Variants in ATP2C2 observed in about 807,000 individuals in gnomAD.
ATP2C2 encodes the protein calcium-transporting ATPase type 2C member 2.
ATP2C2 carries 171 observed loss-of-function variants against 110.8 expected under a neutral mutation model. That is an observed-to-expected ratio of 1.54 (90% CI 1.36 to 1.75). The LOEUF (loss-of-function observed/expected upper bound fraction) is 1.75, where lower values mean the gene tolerates loss of function less well. Among genes scored for constraint, ATP2C2 ranks in the 40% most tolerant of loss-of-function variants. The pLI, the probability that ATP2C2 is intolerant of heterozygous loss-of-function variation, is 0.00. For synonymous variants in ATP2C2, 804 were observed against 508.4 expected, an observed-to-expected ratio of 1.58 and a Z score of -7.82; for missense variants, 1,963 against 1,235.0, an observed-to-expected ratio of 1.59 and a Z score of -8.84.
chr16:84,389,072 T>C (rs772024445), intron 1 of ATP2C2, among the ~76,000 whole-genome samples: 14 of 152,200 alleles, frequency 9.2e-5, no homozygotes, highest in Non-Finnish European at 1.8e-4. Flanking sequence ...TGTGAAATTC[T>C]TGAAGGATTG....
intron 1 of ATP2C2, among the ~76,000 whole-genome samples, chr16:84,395,780 A>G (rs1904934923): frequency 6.6e-6 from 1 of 151,418 alleles, no homozygotes; most frequent in Non-Finnish European, 1.5e-5. Context: ...GATTATAGGT[A>G]TGAGCCACTG....
chr16:84,445,660 C>T (rs1033639790), intron 15 of ATP2C2, among the ~76,000 whole-genome samples: 1 of 152,170 alleles, frequency 6.6e-6, no homozygotes, highest in Admixed American at 6.5e-5. Flanking sequence ...CAATTCAACC[C>T]CACTAAGGAG....
chr16:84,441,523 C>T (rs1198173469), intron 14 of ATP2C2, among the ~76,000 whole-genome samples: 1 of 152,214 alleles, frequency 6.6e-6, no homozygotes, highest in African/African-American at 2.4e-5. Flanking sequence ...GTAGCAGGCA[C>T]CCTTCTTCCT....
In ATP2C2 at chr16:84,453,161, G is replaced by A. The variant is rs777542221; in HGVS notation, c.1855G>A (p.Gly619Arg). The change falls in exon 19 of 27, where the codon GGG (glycine) becomes AGG (arginine). Residue 619 changes from glycine to arginine, a missense_variant. Transcript: ENST00000262429. ...AGGAAGAAACATCGGCCTGTGCAAC[G>A]GGAAGCTGCAAGCCATGTCCGGGGA... is the stretch of plus-strand genomic sequence containing the variant. ...AIGRNIGLCN[G>R]KLQAMSGEEV... 87 of 1,613,360 alleles carry A rather than the reference G, an allele frequency of 5.4e-5. No homozygotes were observed. The highest frequency in any genetic ancestry group is 6.7e-5 in the East Asian group (3 of 44,862).
At chr16:84,395,125 C>T (rs1904891829) in intron 1 of ATP2C2, among the ~76,000 whole-genome samples, 1 of 152,098 alleles carries the variant, frequency 6.6e-6, no homozygotes, top group African/African-American at 2.4e-5. Flanking sequence ...TCCCTGTTTC[C>T]AGTACCCTTG....
In ATP2C2 at chr16:84,459,228, C is replaced by T. The variant is rs532484399; in HGVS notation, c.2216+40C>T. 7.0e-4 allele frequency: 1,125 copies of T among 1,614,102 alleles called. 24 individuals are homozygous for T. The South Asian group carries it at 0.012, about 17-fold the overall frequency. On this transcript the variant is annotated intron_variant, in intron 22 of 26. Coordinates refer to ENST00000262429, the MANE Select transcript of ATP2C2 (RefSeq NM_014861.4). Reference sequence around the variant, plus strand: ...GCATTCCGAGTGTCATTAAGCACCACGCCTGGCGGGCGGCCGCTGACTGGC... The same window carrying T: ...GCATTCCGAGTGTCATTAAGCACCATGCCTGGCGGGCGGCCGCTGACTGGC...
chr16:84,410,901 G>T (rs1369640361), intron 6 of ATP2C2, 136 bp downstream of exon 6: 4 of 850,602 alleles, frequency 4.7e-6, no homozygotes, highest in Non-Finnish European at 7.4e-6. Flanking sequence ...GAGTTCTAAG[G>T]CCTGGTCTCC....
In ATP2C2 at chr16:84,462,072, G is replaced by T; in HGVS notation, c.2665G>T (p.Val889Phe). The T allele has an allele frequency of 6.2e-7, 1 of 1,614,070 alleles. No homozygotes were observed. Among genetic ancestry groups the T allele is most frequent in the Non-Finnish European group, 8.5e-7 (1 of 1,179,980 alleles). The stretch of plus-strand genomic sequence containing the variant: ...GGGGTCCATCCTGGGGCAGCTGGCG[G>T]TCATTTACATCCCCCCGCTGCAGAG... ...VLGSILGQLA[V>F]IYIPPLQRVF... The change falls in exon 26 of 27, where the codon GTC (valine) becomes TTC (phenylalanine). Residue 889 changes from valine (V) to phenylalanine (F), a missense_variant. Physicochemically the swap from Val to Phe is conservative, Grantham distance 50 (BLOSUM62 -1). Transcript: ENST00000262429.
intron 1 of ATP2C2, among the ~76,000 whole-genome samples, chr16:84,383,700 T>A (rs1371175880): frequency 1.3e-5 from 2 of 151,746 alleles, no homozygotes; most frequent in Non-Finnish European, 2.9e-5. Context: ...TAGACATAAA[T>A]TGCAGACATG....
At chr16:84,431,659 G>C (rs1244610388) in intron 11 of ATP2C2, among the ~76,000 whole-genome samples, 2 of 151,898 alleles carry the variant, frequency 1.3e-5, no homozygotes, top group South Asian at 2.1e-4. Context: ...AGGGTCACTT[G>C]GGGGGGACCA....
intron 20 of ATP2C2, among the ~76,000 whole-genome samples, chr16:84,453,587 C>T (rs1315282157): frequency 6.6e-6 from 1 of 152,240 alleles, no homozygotes; most frequent in South Asian, 2.1e-4. Context: ...TTGGAGAGGA[C>T]GAGGCTCTGA....
At chr16:84,424,386 T>A (rs1907612901) in intron 10 of ATP2C2, among the ~76,000 whole-genome samples, 1 of 152,100 alleles carries the variant, frequency 6.6e-6, no homozygotes, top group Non-Finnish European at 1.5e-5. Flanking sequence ...TAACCAATTC[T>A]CCTGCCTCAG....
chr16:84,459,614 C>T lies in ATP2C2; in HGVS notation c.2333+228C>T, dbSNP rs948886268. ...CTGGGTGAGGATGGAACTTTCTGCT[C>T]CCTCTGCCTGGATGCTCTCTCTGGG... is the stretch of plus-strand genomic sequence containing the variant. On this transcript the variant is annotated intron_variant, in intron 23 of 26. Coordinates refer to ENST00000262429, the MANE Select transcript of ATP2C2 (RefSeq NM_014861.4). 4 of 1,527,310 alleles carry T rather than the reference C, an allele frequency of 2.6e-6. No homozygotes were observed. In the African/African-American group the frequency reaches 4.1e-5, roughly 16 times the overall value. 94.6% of individuals were successfully genotyped at this position (1,527,310 alleles called of 1,614,324 possible).
chr16:84,408,460 C>G lies in ATP2C2; in HGVS notation c.383C>G (p.Thr128Ser). ...LLGSALVSVL[T>S]KEYEDAVSIA... Reference sequence around the variant, plus strand: ...GGCTCTGCCCTGGTGAGTGTCCTCACCAAGGAGTATGAGGACGCCGTCAGC... The same window carrying G: ...GGCTCTGCCCTGGTGAGTGTCCTCAGCAAGGAGTATGAGGACGCCGTCAGC... The change falls in exon 4 of 27, where the codon ACC becomes AGC. Residue 128 changes from threonine (T) to serine (S), a missense_variant. Thr to Ser is a moderately conservative substitution (Grantham distance 58, BLOSUM62 1). Coordinates refer to ENST00000262429, the MANE Select transcript of ATP2C2 (RefSeq NM_014861.4). 6 of 1,613,716 alleles carry G rather than the reference C, an allele frequency of 3.7e-6. No homozygotes were observed. The highest frequency in any genetic ancestry group is 5.1e-6 in the Non-Finnish European group (6 of 1,180,002).
intron 1 of ATP2C2, among the ~76,000 whole-genome samples, chr16:84,384,316 G>A (rs1278919277): frequency 2.6e-5 from 4 of 152,092 alleles, no homozygotes; most frequent in Admixed American, 1.3e-4. Flanking sequence ...TAGAGATTCC[G>A]GGCTCAGATT....
At chr16:84,399,534 C>G (rs890704562) in intron 2 of ATP2C2, among the ~76,000 whole-genome samples, 1 of 152,188 alleles carries the variant, frequency 6.6e-6, no homozygotes, top group Non-Finnish European at 1.5e-5. Flanking sequence ...ATGACTGACT[C>G]ATAAATTAGC....
At chr16:84,400,856 C>A (rs182821094) in intron 2 of ATP2C2, among the ~76,000 whole-genome samples, 1 of 152,288 alleles carries the variant, frequency 6.6e-6, no homozygotes, top group East Asian at 1.9e-4. Flanking sequence ...GTTTGCCATT[C>A]ATATGTCTTC....
Position 84,459,011 on chromosome 16 carries a change from G to C in ATP2C2, c.2148-109G>C, listed in dbSNP as rs1910970589. ...GCAAGGGGAACCAGCAGGGGCCCAAGTATAACATCAATCTGGGCGAGTCAC... is the reference window on the plus strand; with the variant it reads ...GCAAGGGGAACCAGCAGGGGCCCAACTATAACATCAATCTGGGCGAGTCAC... On this transcript the variant is annotated intron_variant, in intron 21 of 26. Coordinates refer to ENST00000262429, the MANE Select transcript of ATP2C2 (RefSeq NM_014861.4). The C allele has an allele frequency of 6.6e-6, 8 of 1,220,870 alleles. No homozygotes were observed. In the Admixed American group the frequency reaches 1.1e-4, roughly 16 times the overall value. 75.6% of individuals were successfully genotyped at this position (1,220,870 alleles called of 1,614,324 possible).
chr16:84,394,937 G>C (rs1904880930), intron 1 of ATP2C2, among the ~76,000 whole-genome samples: 1 of 152,142 alleles, frequency 6.6e-6, no homozygotes, highest in African/African-American at 2.4e-5. Flanking sequence ...TCAAAGAATG[G>C]TTTTGCAGAG....
Sources: allele counts gnomAD v4.1 joint callset (sites outside exome capture counted in the v4.1 genomes callset), GRCh38; gene constraint gnomAD v4.1.1; transcripts MANE v1.5; gene names NCBI Gene and HGNC (gene_info 2026-07-23, HGNC 2026-07-21).